The following TUBGCP6 variants were observed in gnomAD, a reference collection of about 807,000 sequenced individuals.
TUBGCP6 encodes the protein tubulin gamma complex component 6.
In TUBGCP6, 161 loss-of-function variants were observed where a neutral mutation model predicts 175.8. That is an observed-to-expected ratio of 0.92 (90% CI 0.81 to 1.04). The LOEUF (loss-of-function observed/expected upper bound fraction) is 1.04, where lower values mean the gene tolerates loss of function less well. Among genes scored for constraint, TUBGCP6 ranks in the 50% least tolerant of loss-of-function variants. The pLI, the probability that TUBGCP6 is intolerant of heterozygous loss-of-function variation, is 0.00. For missense variants in TUBGCP6, 2,572 were observed against 2,433.0 expected (o/e 1.06, Z -1.20); for synonymous variants, 1,173 against 1,030.5 (o/e 1.14, Z -2.65).
At chr22:50,224,084 G>A (rs1440893563) in intron 13 of TUBGCP6, 57 bp downstream of exon 13, 2 of 1,495,640 alleles carry the variant, frequency 1.3e-6, no homozygotes, top group East Asian at 4.5e-5. Context: ...GATTAAGCCA[G>A]AGCTATGGGG....
intron 3 of TUBGCP6, among the ~76,000 whole-genome samples, chr22:50,230,297 C>T (rs540268403): frequency 6.6e-6 from 1 of 151,236 alleles, no homozygotes; most frequent in African/African-American, 2.4e-5. Context: ...TAGCAAGACC[C>T]CCATCTCTAA....
Position 50,244,278 on chromosome 22 carries a change from A to C in TUBGCP6, c.182T>G (p.Met61Arg), listed in dbSNP as rs1266768961. ...QDETQQLQPDMSKLPARNKIL... is the reference protein window; with the variant it reads ...QDETQQLQPDRSKLPARNKIL... ...CTTGTTTCTCGCTGGTAGTTTTGAC[A>C]TGTCAGGCTGCAGCTGTTGAGTCTC... is the stretch of plus-strand genomic sequence containing the variant. Residue 61 changes from methionine (M) to arginine (R), a missense_variant, in exon 1 of 25, where the codon ATG becomes AGG. Physicochemically the swap from Met to Arg is moderately conservative, Grantham distance 91. Transcript: ENST00000248846. 1 of 1,613,648 alleles carries C rather than the reference A, an allele frequency of 6.2e-7. No individual in the cohort carries two copies. Among genetic ancestry groups the C allele is most frequent in the East Asian group, 2.2e-5 (1 of 44,888 alleles).
intron 2 of TUBGCP6, among the ~76,000 whole-genome samples, chr22:50,238,218 G>A (rs1477463933): frequency 2.6e-5 from 4 of 151,930 alleles, no homozygotes. Flanking sequence ...GATGAAAGGA[G>A]TTGCCTAATT....
chr22:50,229,044 C>T (rs1238170211), intron 4 of TUBGCP6, among the ~76,000 whole-genome samples: 1 of 152,202 alleles, frequency 6.6e-6, no homozygotes, highest in Non-Finnish European at 1.5e-5. Context: ...ATTCACCCAA[C>T]AGGAGGGCCC....
intron 5 of TUBGCP6, 97 bp downstream of exon 5, chr22:50,227,810 C>T (rs766613589): frequency 3.4e-6 from 5 of 1,491,246 alleles, no homozygotes; most frequent in African/African-American, 2.8e-5. Flanking sequence ...TTCTCACAGG[C>T]CCTCCTTGCC....
Position 50,217,713 on chromosome 22 carries a change from T to G in TUBGCP6, c.*23A>C. ...ACAGGGTCCGAGAACACCTTTATTG[T>G]GCACGTCCCCCGCAGAGCAGCCTCA... On this transcript the variant is annotated 3_prime_UTR_variant, in exon 25 of 25. Transcript: ENST00000248846. 6.2e-7 allele frequency: 1 copy of G among 1,610,026 alleles called. No homozygotes were observed. The highest frequency in any genetic ancestry group is 8.5e-7 in the Non-Finnish European group (1 of 1,177,458).
chr22:50,229,508 G>T lies in TUBGCP6; in HGVS notation c.1186C>A (p.Leu396Met). ...CCATACTCGGCCACTTCCGAGAGCA[G>T]GCTGCTGATGCTCTCGGGAGACGCT... ...SGASPESISS[L>M]LSEVAEYGTC... is the part of the protein sequence containing the mutation. Residue 396 changes from leucine (L) to methionine (M), a missense_variant, in exon 4 of 25, where the codon CTG becomes ATG. Coordinates refer to ENST00000248846, the MANE Select transcript of TUBGCP6 (RefSeq NM_020461.4). The T allele has an allele frequency of 1.2e-6, 2 of 1,610,224 alleles. No individual in the cohort carries two copies. The highest frequency in any genetic ancestry group is 2.2e-5 in the South Asian group (2 of 90,398).
rs200841925 is a variant in TUBGCP6, at chr22:50,219,187, C to T, written c.4507G>A (p.Ala1503Thr). ...AGCTCCACGAAGAAGTAGTCGACAG[C>T]GGCCTTGTTCACCAAGGAGATGCTG... Reference protein sequence around the residue: ...AAHISLVNKAAVDYFFVELHL... With the variant: ...AAHISLVNKATVDYFFVELHL... Residue 1503 changes from alanine to threonine, a missense_variant, in exon 20 of 25, where the codon GCT becomes ACT. Coordinates refer to ENST00000248846, the MANE Select transcript of TUBGCP6 (RefSeq NM_020461.4). 1.5e-4 allele frequency: 238 copies of T among 1,611,410 alleles called. No homozygotes were observed. The East Asian group carries it at 1.6e-3, about 11-fold the overall frequency.
chr22:50,228,104 T>C (rs1262311320), intron 4 of TUBGCP6, 76 bp from the exon 5 acceptor site: 1 of 1,434,018 alleles, frequency 7.0e-7, no homozygotes, highest in African/African-American at 1.4e-5. Flanking sequence ...GGGGCACCAG[T>C]GCTGGGAACA....
rs34617177 is a variant in TUBGCP6 at position 50,219,616 on chromosome 22, C to T, written c.4315+28G>A. 0.022 allele frequency: 35,349 copies of T among 1,609,232 alleles called. 486 individuals carry two copies. Among genetic ancestry groups the T allele is most frequent in the Admixed American group, 0.024 (1,439 of 59,918 alleles). On this transcript the variant is annotated intron_variant, in intron 18 of 24. Transcript: ENST00000248846. ...GCTGGGAACCAGCCAGCCCAGGGCTCCCTGCCAACAGCAACTGCTGCACTC... is the reference window on the plus strand; with the variant it reads ...GCTGGGAACCAGCCAGCCCAGGGCTTCCTGCCAACAGCAACTGCTGCACTC...
Position 50,221,468 on chromosome 22 carries a change from G to A in TUBGCP6, c.2891C>T (p.Ser964Leu), listed in dbSNP as rs1437033702. ...AGCCTGCAGGGGCCCTGGTGCAGGT[G>A]AGGTGGCCACAGCTGGCCTCAGGAC... The part of the protein sequence containing the change: ...STVLRPAVAT[S>L]PAPGPLQAAE... Residue 964 changes from serine to leucine, a missense_variant, in exon 16 of 25, where the codon TCA becomes TTA. Physicochemically the swap from Ser to Leu is moderately radical, Grantham distance 145. Coordinates refer to ENST00000248846, the MANE Select transcript of TUBGCP6 (RefSeq NM_020461.4). The A allele has an allele frequency of 1.9e-6, 3 of 1,593,078 alleles. No individual in the cohort carries two copies. The highest frequency in any genetic ancestry group is 2.6e-6 in the Non-Finnish European group (3 of 1,171,848).
chr22:50,234,906 A>ATGG (rs2064749896), intron 2 of TUBGCP6, among the ~76,000 whole-genome samples: 1 of 136,024 alleles, frequency 7.4e-6, no homozygotes, highest in African/African-American at 2.8e-5. Flanking sequence ...ACCCCTGTCC[A>ATGG]CAGCAGCATC....
chr22:50,231,477 T>C (rs1015915677), intron 3 of TUBGCP6, among the ~76,000 whole-genome samples: 1 of 149,036 alleles, frequency 6.7e-6, no homozygotes, highest in Admixed American at 6.7e-5. Context: ...AAATACAAAA[T>C]AGAAAAACAA....
In TUBGCP6 at chr22:50,244,461, C is replaced by A; in HGVS notation, c.-2G>T. 6.2e-7 allele frequency: 1 copy of A among 1,605,630 alleles called. No homozygotes were observed. Among genetic ancestry groups the A allele is most frequent in the East Asian group, 2.2e-5 (1 of 44,724 alleles). ...GAACAGCTGCGTGATGCTGGCCATG[C>A]CCCTTCTCAGCTCCGGGCCCCCGGC... On this transcript the variant is annotated 5_prime_UTR_variant, in exon 1 of 25. Coordinates refer to ENST00000248846, the MANE Select transcript of TUBGCP6 (RefSeq NM_020461.4).
chr22:50,220,364 G>C lies in TUBGCP6; in HGVS notation c.3995C>G (p.Pro1332Arg). Residue 1332 changes from proline to arginine, a missense_variant, in exon 16 of 25, where the codon CCC (proline) becomes CGC (arginine). Transcript: ENST00000248846. ...PVEVGPSLSS[P>R]SSGCGEGSIS... The stretch of plus-strand genomic sequence containing the variant: ...GCTCCCCTCCCCGCAGCCCGAGCTG[G>C]GGGAGGACAGAGATGGCCCCACTTC... 1 of 1,565,234 alleles carries C rather than the reference G, an allele frequency of 6.4e-7. No individual in the cohort carries two copies.
intron 20 of TUBGCP6, 58 bp downstream of exon 20, chr22:50,219,008 GTC>G (rs1052731526): frequency 7.8e-5 from 125 of 1,601,992 alleles, no homozygotes; most frequent in Middle Eastern, 2.1e-4. Context: ...CGTGCAGCCA[GTC>G]TCTCTTTTCC....
chr22:50,222,324 G>C (rs897393650), intron 14 of TUBGCP6, 130 bp downstream of exon 14: 1 of 1,400,104 alleles, frequency 7.1e-7, no homozygotes, highest in Non-Finnish European at 9.8e-7. Flanking sequence ...GGGAGAGAGA[G>C]TGCTCTGCCG....
In TUBGCP6 at chr22:50,221,065, A is replaced by C; in HGVS notation, c.3294T>G (p.Ala1098=). ...ISLGESVSDV[A]PTRPRWNIHG... is the part of the protein sequence containing the mutation. Reference sequence around the variant, plus strand: ...GGATGTTCCACCGTGGCCGAGTGGGAGCCACATCTGACACAGACTCCCCTA... The same window carrying C: ...GGATGTTCCACCGTGGCCGAGTGGGCGCCACATCTGACACAGACTCCCCTA... Residue 1098 remains alanine, a synonymous_variant, in exon 16 of 25, where the codon GCT becomes GCG. Transcript: ENST00000248846. The C allele has an allele frequency of 6.2e-7, 1 of 1,611,958 alleles. No homozygotes were observed. The highest frequency in any genetic ancestry group is 8.5e-7 in the Non-Finnish European group (1 of 1,179,652).
At chr22:50,223,851 A>T (rs1226681233) in intron 13 of TUBGCP6, 1 of 294,982 alleles carries the variant, frequency 3.4e-6, no homozygotes, top group African/African-American at 2.2e-5. Context: ...TAAATAAGGA[A>T]GGATGTTCAG....
Sources: allele counts gnomAD v4.1 joint callset (sites outside exome capture counted in the v4.1 genomes callset), GRCh38; gene constraint gnomAD v4.1.1; transcripts MANE v1.5; gene names NCBI Gene and HGNC (gene_info 2026-07-23, HGNC 2026-07-21).